TBC1D32: variants seen among roughly 807,000 people sequenced by gnomAD.
The protein encoded by TBC1D32 is TBC1 domain family member 32.
TBC1D32 carries 151 observed loss-of-function variants against 170.3 expected under a neutral mutation model. The ratio of observed to expected loss-of-function variants is 0.89; its 90% CI spans 0.78 to 1.01. The LOEUF (loss-of-function observed/expected upper bound fraction) is 1.01, where lower values mean the gene tolerates loss of function less well. Among genes scored for constraint, TBC1D32 ranks in the 50% least tolerant of loss-of-function variants. TBC1D32 has a pLI of 0.00. For missense variants in TBC1D32, 1,464 were observed against 1,457.1 expected (o/e 1.00, Z -0.08); for synonymous variants, 498 against 488.0 (o/e 1.02, Z -0.27).
intron 22 of TBC1D32, chr6:121,170,639 A>G (rs1786845598): frequency 1.4e-6 from 1 of 692,910 alleles, no homozygotes; most frequent in Non-Finnish European, 2.1e-6. Flanking sequence ...AATCTAACAG[A>G]AAGTATCATT....
At chr6:121,268,861 A>T (rs896279820) in intron 15 of TBC1D32, among the ~76,000 whole-genome samples, 1 of 152,170 alleles carries the variant, frequency 6.6e-6, no homozygotes, top group African/African-American at 2.4e-5. Flanking sequence ...GCAGCCAGAG[A>T]TAAAGGTCGG....
Position 121,113,060 on chromosome 6 carries a change from A to G in TBC1D32, c.3169+2T>C. On this transcript the variant is annotated splice_donor_variant, in intron 28 of 31. Transcript: ENST00000398212. LOFTEE classifies it high-confidence loss of function. The stretch of plus-strand genomic sequence containing the variant: ...TATTGTGAATATACTCAAAAAGGAT[A>G]TGAAGAGAAGATTTTATGGAAGTTT... 1 of 1,600,960 alleles carries G rather than the reference A, an allele frequency of 6.2e-7. No homozygotes were observed. The highest frequency in any genetic ancestry group is 8.5e-7 in the Non-Finnish European group (1 of 1,173,276).
chr6:121,322,882 GT>G (rs1390163213), intron 1 of TBC1D32, among the ~76,000 whole-genome samples: 8 of 151,796 alleles, frequency 5.3e-5, no homozygotes, highest in Non-Finnish European at 1.2e-4. Context: ...TTAATTCCTT[GT>G]TCATGTAATG....
At chr6:121,159,251 T>C (rs1378156857) in intron 24 of TBC1D32, among the ~76,000 whole-genome samples, 1 of 152,238 alleles carries the variant, frequency 6.6e-6, no homozygotes, top group Non-Finnish European at 1.5e-5. Flanking sequence ...GAATGCATTC[T>C]GTAAGAGTTC....
chr6:121,281,549 T>C lies in TBC1D32; in HGVS notation c.1603A>G (p.Asn535Asp). Residue 535 changes from asparagine (N) to aspartate (D), a missense_variant, in exon 14 of 32, where the codon AAT becomes GAT. This residue lies in a region of TBC1D32 where 1,363 missense variants were observed against 1,338.1 expected (regional missense o/e 1.02). Coordinates refer to ENST00000398212, the MANE Select transcript of TBC1D32 (RefSeq NM_152730.6). ...LQPIHNLMKG[N>D]EASPNCSETA... The stretch of plus-strand genomic sequence containing the variant: ...CCTTAGTAAATAATACGAACCTCAT[T>C]TCCTTTCATTAAATTGTGAATAGGC... 1.2e-6 allele frequency: 2 copies of C among 1,605,394 alleles called. No homozygotes were observed. The highest frequency in any genetic ancestry group is 2.3e-5 in the East Asian group (1 of 44,292).
chr6:121,282,817 A>G lies in TBC1D32; in HGVS notation c.1465+1001T>C, dbSNP rs887500937. Among the ~76,000 whole-genome samples, 5 of 151,876 alleles carry G rather than the reference A, an allele frequency of 3.3e-5. No homozygotes were observed. In the South Asian group the frequency reaches 1.0e-3, roughly 31 times the overall value. Reference sequence around the variant, plus strand: ...AAAGAAAGATGATTTTAATCATAAAAGATGTCTATGCTGTAAGAGTGTATA... The same window carrying G: ...AAAGAAAGATGATTTTAATCATAAAGGATGTCTATGCTGTAAGAGTGTATA... On this transcript the variant is annotated intron_variant, in intron 13 of 31. Coordinates refer to ENST00000398212, the MANE Select transcript of TBC1D32 (RefSeq NM_152730.6).
At chr6:121,236,812 C>A (rs1796384636) in intron 20 of TBC1D32, among the ~76,000 whole-genome samples, 1 of 152,032 alleles carries the variant, frequency 6.6e-6, no homozygotes. Context: ...TACCATTATA[C>A]AATTCCCCTG....
Position 121,242,168 on chromosome 6 carries a change from T to C in TBC1D32, c.2157+33A>G. The stretch of plus-strand genomic sequence containing the variant: ...TTAATGGCTTTTAAAACCACAAAAA[T>C]TCCCTTTGCCTTTGGCAGATGGTAA... On this transcript the variant is annotated intron_variant, in intron 18 of 31. Coordinates refer to ENST00000398212, the MANE Select transcript of TBC1D32 (RefSeq NM_152730.6). The C allele has an allele frequency of 1.9e-6, 3 of 1,598,556 alleles. 1 individual carries two copies. In the South Asian group the frequency reaches 3.4e-5, roughly 18 times the overall value.
intron 31 of TBC1D32, among the ~76,000 whole-genome samples, chr6:121,089,252 C>A (rs1179761287): frequency 6.6e-6 from 1 of 152,066 alleles, no homozygotes; most frequent in East Asian, 1.9e-4. Flanking sequence ...CAGACCAAGT[C>A]ACAGTCCTTA....
intron 7 of TBC1D32, 21 bp downstream of exon 7, chr6:121,304,501 C>T: frequency 6.2e-7 from 1 of 1,601,938 alleles, no homozygotes; most frequent in Non-Finnish European, 8.5e-7. Flanking sequence ...AAAATGAAAG[C>T]ATATTGTAGT....
intron 24 of TBC1D32, among the ~76,000 whole-genome samples, chr6:121,134,864 C>G (rs1781862800): frequency 6.6e-6 from 1 of 152,060 alleles, no homozygotes. Flanking sequence ...CTAAATTAAG[C>G]ATCATTGCTT....
chr6:121,285,191 A>T (rs1055970329), intron 12 of TBC1D32, among the ~76,000 whole-genome samples: 1 of 152,152 alleles, frequency 6.6e-6, no homozygotes, highest in Non-Finnish European at 1.5e-5. Context: ...AGATTCAATG[A>T]TTCACTAAGA....
intron 12 of TBC1D32, among the ~76,000 whole-genome samples, chr6:121,286,588 A>T (rs1252666172): frequency 6.6e-6 from 1 of 152,178 alleles, no homozygotes; most frequent in Non-Finnish European, 1.5e-5. Context: ...ACAGGATATT[A>T]TCCAGGAGAA....
chr6:121,295,828 G>A (rs1023408048), intron 10 of TBC1D32, among the ~76,000 whole-genome samples: 1 of 152,150 alleles, frequency 6.6e-6, no homozygotes, highest in African/African-American at 2.4e-5. Context: ...CAGAAAAGAG[G>A]TAACATGGCA....
At chr6:121,174,696 A>G (rs866662960) in intron 22 of TBC1D32, among the ~76,000 whole-genome samples, 1 of 152,216 alleles carries the variant, frequency 6.6e-6, no homozygotes, top group Non-Finnish European at 1.5e-5. Flanking sequence ...AAAGAAAGTC[A>G]AGACATAGAC....
chr6:121,313,878 T>C (rs980497520), intron 3 of TBC1D32, among the ~76,000 whole-genome samples: 2 of 152,258 alleles, frequency 1.3e-5, no homozygotes, highest in South Asian at 2.1e-4. Context: ...AAGAGCATTG[T>C]AGAGCTTTGA....
chr6:121,192,488 T>C (rs1321586639), intron 22 of TBC1D32: 1 of 152,162 alleles, frequency 6.6e-6, no homozygotes, highest in Non-Finnish European at 1.5e-5. Flanking sequence ...GTCTCCTGGC[T>C]TCAGAAGCTG....
At chr6:121,172,784 C>T (rs530403320) in intron 22 of TBC1D32, among the ~76,000 whole-genome samples, 6 of 152,068 alleles carry the variant, frequency 3.9e-5, no homozygotes, top group Non-Finnish European at 7.4e-5. Flanking sequence ...TATCATGTGA[C>T]GTAGAGTTAT....
intron 15 of TBC1D32, among the ~76,000 whole-genome samples, chr6:121,270,000 T>G (rs1347705887): frequency 6.6e-6 from 1 of 151,996 alleles, no homozygotes; most frequent in Non-Finnish European, 1.5e-5. Flanking sequence ...AACAACCTGC[T>G]CCTGAATGAC....
Sources: allele counts gnomAD v4.1 joint callset (sites outside exome capture counted in the v4.1 genomes callset), GRCh38; gene constraint gnomAD v4.1.1; regional missense constraint gnomAD v4.1.1; transcripts MANE v1.5; gene names NCBI Gene and HGNC (gene_info 2026-07-23, HGNC 2026-07-21).